RETREG1: variants seen among roughly 807,000 people sequenced by gnomAD.
RETREG1 encodes the protein family with sequence similarity 134 member B.
RETREG1 carries 44 observed loss-of-function variants against 54.8 expected under a neutral mutation model. The observed-to-expected ratio is 0.80, with a 90% CI of 0.63 to 1.03. The LOEUF is 1.03. RETREG1 is among the 50% of genes least tolerant of loss of function. The pLI is 0.00. For missense variants in RETREG1, 554 were observed against 605.1 expected (o/e 0.92, Z 0.89); for synonymous variants, 217 against 238.5 (o/e 0.91, Z 0.83).
At chr5:16,529,749 G>A (rs190355806) in intron 3 of RETREG1, among the ~76,000 whole-genome samples, 17 of 152,270 alleles carry the variant, frequency 1.1e-4, no homozygotes, top group Middle Eastern at 3.4e-3. Context: ...GCACCAGTGC[G>A]TGTTTTTCAG....
chr5:16,560,598 G>T (rs1741828299), intron 3 of RETREG1, among the ~76,000 whole-genome samples: 1 of 152,200 alleles, frequency 6.6e-6, no homozygotes, highest in African/African-American at 2.4e-5. Flanking sequence ...AGGGCAGTTG[G>T]AGGTGATTTC....
At chr5:16,489,955 A>C (rs1739181654) in intron 3 of RETREG1, among the ~76,000 whole-genome samples, 1 of 152,198 alleles carries the variant, frequency 6.6e-6, no homozygotes. Context: ...TGTTTTTACA[A>C]CTCAGTTATT....
intron 3 of RETREG1, among the ~76,000 whole-genome samples, chr5:16,501,726 G>GT (rs1554017300): frequency 2.0e-5 from 3 of 151,232 alleles, no homozygotes; most frequent in Non-Finnish European, 2.9e-5. Flanking sequence ...TGTATTTTCA[G>GT]TAGAGACAAG....
chr5:16,593,286 C>T lies in RETREG1; in HGVS notation c.321-21184G>A, dbSNP rs1014403502. On this transcript the variant is annotated intron_variant, in intron 1 of 8. Transcript: ENST00000306320. The surrounding 1 kb of genome is among the most constrained non-coding windows in gnomAD (Gnocchi z 4.9). Reference sequence around the variant, plus strand: ...TGACTCCCACTTGTATGCTGGTTTGCTTGGCCATTTGTTTCCCATCTGTCT... The same window carrying T: ...TGACTCCCACTTGTATGCTGGTTTGTTTGGCCATTTGTTTCCCATCTGTCT... 7.2e-5 allele frequency among the ~76,000 whole-genome samples: 11 copies of T among 152,104 alleles called. No individual in the cohort carries two copies. The highest frequency in any genetic ancestry group is 1.5e-4 in the Non-Finnish European group (10 of 68,020).
intron 1 of RETREG1, among the ~76,000 whole-genome samples, chr5:16,592,881 T>C (rs902284661): frequency 3.3e-5 from 5 of 151,828 alleles, no homozygotes; most frequent in African/African-American, 1.2e-4. Context: ...CAACAGACAC[T>C]GGGCCTATTG....
intron 2 of RETREG1, among the ~76,000 whole-genome samples, chr5:16,570,135 C>A (rs1016143649): frequency 3.9e-5 from 6 of 152,216 alleles, no homozygotes; most frequent in African/African-American, 1.4e-4. Context: ...GCCACAGAAA[C>A]AAATGCAGTC....
At chr5:16,603,778 C>T (rs959332087) in intron 1 of RETREG1, among the ~76,000 whole-genome samples, 2 of 152,012 alleles carry the variant, frequency 1.3e-5, no homozygotes, top group Non-Finnish European at 1.5e-5. Context: ...CAGCACGCTA[C>T]ACCACAAAGC....
In RETREG1 at chr5:16,616,825, C is replaced by T. The variant is rs916499367; in HGVS notation, c.147G>A (p.Ala49=). The T allele has an allele frequency of 4.0e-6, 6 of 1,516,414 alleles. No individual in the cohort carries two copies. The Admixed American group carries it at 6.1e-5, about 15-fold the overall frequency. 93.9% of individuals were successfully genotyped at this position (1,516,414 alleles called of 1,614,324 possible). A position where few individuals can be genotyped will look rare whatever the true frequency, so the allele number is the denominator to read the frequency against. ...QQEEEAQEAG[A]AEGAGLQVEE... is the part of the protein sequence containing the mutation. ...CCACCTGCAACCCCGCGCCCTCCGC[C>T]GCCCCAGCTTCCTGCGCTTCCTCCT... is the stretch of plus-strand genomic sequence containing the variant. The change falls in exon 1 of 9, where the codon GCG becomes GCA. Residue 49 remains alanine, a synonymous_variant. Transcript: ENST00000306320.
chr5:16,518,391 A>T (rs1740428450), intron 3 of RETREG1, among the ~76,000 whole-genome samples: 1 of 151,460 alleles, frequency 6.6e-6, no homozygotes, highest in African/African-American at 2.4e-5. Context: ...GGTGAAGGGA[A>T]GGGAGGAGAG....
chr5:16,557,967 T>C (rs1741755317), intron 3 of RETREG1, among the ~76,000 whole-genome samples: 2 of 151,968 alleles, frequency 1.3e-5, no homozygotes, highest in South Asian at 4.1e-4. Flanking sequence ...ATTGTTTTTA[T>C]AGCAGGAGTG....
At chr5:16,567,943 C>T (rs775733906) in intron 2 of RETREG1, among the ~76,000 whole-genome samples, 18 of 152,050 alleles carry the variant, frequency 1.2e-4, no homozygotes, top group Non-Finnish European at 2.4e-4. Context: ...CTGGGCAACA[C>T]AGTGAGACCC....
intron 3 of RETREG1, among the ~76,000 whole-genome samples, chr5:16,497,181 C>T (rs1008878268): frequency 5.3e-5 from 8 of 152,150 alleles, no homozygotes; most frequent in Admixed American, 2.6e-4. Flanking sequence ...AACACTCTGA[C>T]GAGGTGGGTA....
rs577891173 is a variant in RETREG1 at position 16,519,587 on chromosome 5, C to T, written c.459-36115G>A. Among the ~76,000 whole-genome samples, 4 of 152,310 alleles carry T rather than the reference C, an allele frequency of 2.6e-5. 1 individual carries two copies. The highest frequency in any genetic ancestry group is 9.6e-5 in the African/African-American group (4 of 41,556). The stretch of plus-strand genomic sequence containing the variant: ...AGTACATGGAGTGTTTTCCTCAAAG[C>T]TCCTTTCAGCCCAAAATAACCAGGA... On this transcript the variant is annotated intron_variant, in intron 3 of 8. Transcript: ENST00000306320.
intron 4 of RETREG1, among the ~76,000 whole-genome samples, chr5:16,481,879 C>T (rs1463457200): frequency 6.6e-6 from 1 of 151,974 alleles, no homozygotes; most frequent in Non-Finnish European, 1.5e-5. Flanking sequence ...TTTTCACCCT[C>T]CAGTCTTAAA....
intron 3 of RETREG1, among the ~76,000 whole-genome samples, chr5:16,553,073 T>C (rs1053908072): frequency 2.6e-5 from 4 of 152,230 alleles, no homozygotes; most frequent in African/African-American, 9.6e-5. Flanking sequence ...TATACAATAT[T>C]CTGGCTTTGG....
chr5:16,576,294 C>CTTTTTT (rs70940380), intron 1 of RETREG1, among the ~76,000 whole-genome samples: 20 of 125,812 alleles, frequency 1.6e-4, no homozygotes, highest in African/African-American at 2.3e-4. Context: ...TTTTCTTTTT[C>CTTTTTT]TTTTTTTTTT....
intron 3 of RETREG1, among the ~76,000 whole-genome samples, chr5:16,564,979 G>C (rs1009433558): frequency 6.6e-6 from 1 of 152,096 alleles, no homozygotes; most frequent in Non-Finnish European, 1.5e-5. Flanking sequence ...TTAGATACAA[G>C]TCAGGTTCCT....
intron 3 of RETREG1, among the ~76,000 whole-genome samples, chr5:16,550,506 A>G (rs748721942): frequency 1.2e-4 from 19 of 152,184 alleles, no homozygotes; most frequent in Non-Finnish European, 2.6e-4. Context: ...CCTGTCCCCC[A>G]GACATAACTC....
chr5:16,481,175 A>C, intron 4 of RETREG1, 82 bp from the exon 5 acceptor site: 1 of 1,036,556 alleles, frequency 9.6e-7, no homozygotes, highest in South Asian at 1.3e-5. Flanking sequence ...ACAATTGTAA[A>C]TCTATAGTGA....
Sources: allele counts gnomAD v4.1 joint callset (sites outside exome capture counted in the v4.1 genomes callset), GRCh38; gene constraint gnomAD v4.1.1; non-coding constraint Gnocchi (gnomAD v3.1); transcripts MANE v1.5; gene names NCBI Gene and HGNC (gene_info 2026-07-23, HGNC 2026-07-21).